The following NRXN1 variants were observed in gnomAD, a reference collection of about 807,000 sequenced individuals.
NRXN1 encodes neurexin 1.
Under a neutral mutation model 150.9 loss-of-function variants are expected in NRXN1, and 39 were observed. That is an observed-to-expected ratio of 0.26 (90% CI 0.20 to 0.34). NRXN1 has a LOEUF of 0.34. NRXN1 is among the 10% of genes least tolerant of loss of function. The pLI is 1.00. For synonymous variants in NRXN1, 924 were observed against 757.0 expected (o/e 1.22, Z -3.62); for missense variants, 1,815 against 1,949.9 (o/e 0.93, Z 1.30).
chr2:50,000,237 C>A (rs1341346402), intron 21 of NRXN1, among the ~76,000 whole-genome samples: 1 of 152,186 alleles, frequency 6.6e-6, no homozygotes, highest in Admixed American at 6.5e-5. Flanking sequence ...TCATTTGAAT[C>A]TACATTGTGC....
chr2:50,829,559 C>A, intron 5 of NRXN1: 1 of 1,611,996 alleles, frequency 6.2e-7, no homozygotes, highest in South Asian at 1.1e-5. Context: ...GAGGGGTTTT[C>A]TTAAACTGAA....
intron 17 of NRXN1, among the ~76,000 whole-genome samples, chr2:50,399,549 T>G (rs1320955454): frequency 2.6e-5 from 4 of 151,800 alleles, no homozygotes; most frequent in Non-Finnish European, 5.9e-5. Context: ...ACAGGGCCCT[T>G]TGCTCTTTCA....
At chr2:50,377,726 C>A (rs569382545) in intron 17 of NRXN1, among the ~76,000 whole-genome samples, 1 of 152,038 alleles carries the variant, frequency 6.6e-6, no homozygotes, top group East Asian at 1.9e-4. Context: ...ACTGTCACTA[C>A]GTACTTATGA....
rs564989411 is a variant in NRXN1, at chr2:50,571,675, A to G, written c.1321-18650T>C. ...GACAAATAATATTTAAAAACTGTCA[A>G]TGTTTCCACATTTCAACATTAGATG... On this transcript the variant is annotated intron_variant, in intron 8 of 22. Transcript: ENST00000401669. Among the ~76,000 whole-genome samples the G allele has an allele frequency of 5.3e-5, 8 of 152,244 alleles. No individual in the cohort carries two copies. The East Asian group carries it at 1.2e-3, about 22-fold the overall frequency.
intron 21 of NRXN1, among the ~76,000 whole-genome samples, chr2:49,991,157 A>T (rs1681879739): frequency 6.6e-6 from 1 of 152,204 alleles, no homozygotes; most frequent in East Asian, 1.9e-4. Context: ...ACACTTCTCC[A>T]CTAAGACTAG....
chr2:50,834,020 A>T (rs558986214), intron 5 of NRXN1, among the ~76,000 whole-genome samples: 1 of 152,276 alleles, frequency 6.6e-6, no homozygotes, highest in African/African-American at 2.4e-5. Context: ...ACTGAAATTT[A>T]ATTTATACCA....
chr2:50,334,684 T>A (rs2077069133), intron 17 of NRXN1, among the ~76,000 whole-genome samples: 1 of 152,152 alleles, frequency 6.6e-6, no homozygotes, highest in Admixed American at 6.5e-5. Context: ...TCATATTGGC[T>A]CCAGAGGAGC....
At chr2:50,009,125 G>T (rs1685235411) in intron 21 of NRXN1, among the ~76,000 whole-genome samples, 1 of 152,078 alleles carries the variant, frequency 6.6e-6, no homozygotes, top group Non-Finnish European at 1.5e-5. Flanking sequence ...TACAATCTTT[G>T]TATAGAAGTA....
intron 17 of NRXN1, among the ~76,000 whole-genome samples, chr2:50,439,648 A>T (rs1395627583): frequency 6.6e-6 from 1 of 151,918 alleles, no homozygotes; most frequent in Non-Finnish European, 1.5e-5. Flanking sequence ...CTACTAAAAA[A>T]AAAATAAAAA....
chr2:50,169,711 C>CA (rs11296551), intron 18 of NRXN1, among the ~76,000 whole-genome samples: 1,615 of 103,700 alleles, frequency 0.016, 16 homozygotes, highest in African/African-American at 0.031. Context: ...GCTTCCATCT[C>CA]AAAAAAAAAA....
intron 5 of NRXN1, among the ~76,000 whole-genome samples, chr2:50,715,685 T>G (rs143274028): frequency 2.3e-4 from 35 of 152,270 alleles, no homozygotes; most frequent in African/African-American, 7.9e-4. Flanking sequence ...CCTTTTTGCT[T>G]AGTTTGCATG....
chr2:50,794,829 C>A (rs143426163), intron 5 of NRXN1, among the ~76,000 whole-genome samples: 39 of 152,152 alleles, frequency 2.6e-4, no homozygotes, highest in African/African-American at 8.7e-4. Flanking sequence ...CTTAAGATAT[C>A]TTTTTGAAAC....
intron 5 of NRXN1, among the ~76,000 whole-genome samples, chr2:50,713,645 T>C (rs1196952284): frequency 6.6e-6 from 1 of 152,180 alleles, no homozygotes; most frequent in African/African-American, 2.4e-5. Flanking sequence ...TAAGGAAATA[T>C]AGGTTGGGGA....
intron 17 of NRXN1, among the ~76,000 whole-genome samples, chr2:50,258,089 G>A (rs1205328127): frequency 6.6e-6 from 1 of 151,956 alleles, no homozygotes; most frequent in African/African-American, 2.4e-5. Flanking sequence ...TTGTTGATGG[G>A]TGCTTACTGA....
At chr2:50,084,313 A>C (rs908918621) in intron 19 of NRXN1, among the ~76,000 whole-genome samples, 4 of 152,046 alleles carry the variant, frequency 2.6e-5, no homozygotes, top group African/African-American at 9.7e-5. Flanking sequence ...TGGGGAGGGG[A>C]GGCTCAGGCA....
Position 50,346,890 on chromosome 2 carries a change from G to GCCGCCGCCC in NRXN1, c.3365-109921_3365-109920insGGGCGGCGG. The stretch of plus-strand genomic sequence containing the variant: ...CCCCTGCGCCGCCGCCGCCGCCGCC[G>GCCGCCGCCC]CCGCCGCCGCCCCCGGGCGAGCCCA... On this transcript the variant is annotated intron_variant, in intron 17 of 22. Coordinates refer to ENST00000401669, the MANE Select transcript of NRXN1 (RefSeq NM_001330078.2). This position sits in a 1 kb window ranked among gnomAD's most constrained non-coding sequence, Gnocchi z 5.0. 1.5e-6 allele frequency: 2 copies of GCCGCCGCCC among 1,315,082 alleles called. No homozygotes were observed. The highest frequency in any genetic ancestry group is 1.9e-6 in the Non-Finnish European group (2 of 1,033,100). 81.5% of individuals were successfully genotyped at this position (1,315,082 alleles called of 1,614,324 possible).
intron 5 of NRXN1, among the ~76,000 whole-genome samples, chr2:50,762,835 AT>A (rs2105395008): frequency 6.6e-6 from 1 of 151,792 alleles, no homozygotes; most frequent in African/African-American, 2.4e-5. Flanking sequence ...AGAATAATTT[AT>A]TTTCTTTTGG....
At chr2:50,882,941 T>A (rs1679669839) in intron 5 of NRXN1, among the ~76,000 whole-genome samples, 2 of 151,872 alleles carry the variant, frequency 1.3e-5, no homozygotes, top group Non-Finnish European at 2.9e-5. Flanking sequence ...TATATTTTTA[T>A]AACATCAAAA....
At chr2:50,598,784 GTCTC>G (rs1362628502) in intron 8 of NRXN1, among the ~76,000 whole-genome samples, 2 of 150,420 alleles carry the variant, frequency 1.3e-5, no homozygotes, top group East Asian at 1.9e-4. Context: ...TTGAGACAGA[GTCTC>G]TCTGTGTTGC....
Sources: gnomAD v4.1 joint callset for allele counts (sites outside exome capture counted in the v4.1 genomes callset) on GRCh38, gnomAD v4.1.1 for gene constraint, Gnocchi (gnomAD v3.1) non-coding constraint, MANE v1.5 for transcripts, NCBI Gene and HGNC (gene_info 2026-07-23, HGNC 2026-07-21) for gene names.